The following HTR3B variants were observed in gnomAD, a reference collection of about 807,000 sequenced individuals.
The protein encoded by HTR3B is 5-hydroxytryptamine receptor 3B.
A neutral mutation model predicts 42.8 loss-of-function variants in HTR3B; 44 were observed. The ratio of observed to expected loss-of-function variants is 1.03; its 90% CI spans 0.81 to 1.32. The LOEUF (loss-of-function observed/expected upper bound fraction) is 1.32, where lower values mean the gene tolerates loss of function less well. Among genes scored for constraint, HTR3B ranks in the 40% most tolerant of loss-of-function variants. The probability of loss-of-function intolerance (pLI) is 0.00; values close to 1 mark genes in which losing one functional copy is unlikely to be tolerated. For missense variants in HTR3B, 527 were observed against 536.5 expected, an observed-to-expected ratio of 0.98 and a Z score of 0.17; for synonymous variants, 203 against 209.0, an observed-to-expected ratio of 0.97 and a Z score of 0.25.
intron 8 of HTR3B, among the ~76,000 whole-genome samples, chr11:113,945,012 G>A (rs921912554): frequency 7.2e-5 from 11 of 151,922 alleles, no homozygotes; most frequent in South Asian, 2.1e-4. Flanking sequence ...GCCATGTTGC[G>A]CAGGCTGGTC....
upstream of HTR3B, among the ~76,000 whole-genome samples, chr11:113,902,592 C>A (rs541864940): frequency 6.6e-6 from 1 of 152,128 alleles, no homozygotes; most frequent in Non-Finnish European, 1.5e-5. Flanking sequence ...CCACTGTGTG[C>A]GATCTTCCCT....
chr11:113,915,253 G>C (rs1278214744), intron 2 of HTR3B, among the ~76,000 whole-genome samples: 1 of 152,096 alleles, frequency 6.6e-6, no homozygotes, highest in South Asian at 2.1e-4. Context: ...ACTTAGGCTG[G>C]AGTGCAGTGG....
intron 2 of HTR3B, among the ~76,000 whole-genome samples, chr11:113,921,725 C>T (rs148782367): frequency 1.2e-4 from 18 of 151,874 alleles, no homozygotes; most frequent in Non-Finnish European, 2.6e-4. Flanking sequence ...ACAAGTGTAT[C>T]GAATTGAAAA....
chr11:113,932,485 G>T (rs185983107), intron 5 of HTR3B, 27 bp downstream of exon 5: 143 of 1,578,296 alleles, frequency 9.1e-5, no homozygotes, highest in Non-Finnish European at 1.1e-4. Context: ...ACCCATTAAT[G>T]CTAGGTTGGT....
chr11:113,947,258 C>T lies in HTR3B; in HGVS notation c.*1121C>T, dbSNP rs996302923. On this transcript the variant is annotated 3_prime_UTR_variant, in exon 9 of 9. Transcript: ENST00000260191. ...AGCTGGAACTACAGGTGCATGCCACCACACCCAGCTAATTTTCTGTATTTT... is the reference window on the plus strand; with the variant it reads ...AGCTGGAACTACAGGTGCATGCCACTACACCCAGCTAATTTTCTGTATTTT... 2.2e-4 allele frequency among the ~76,000 whole-genome samples: 33 copies of T among 152,232 alleles called. No homozygotes were observed. The highest frequency in any genetic ancestry group is 4.0e-4 in the Non-Finnish European group (27 of 68,022).
At chr11:113,919,813 A>G (rs898746249) in intron 2 of HTR3B, among the ~76,000 whole-genome samples, 7 of 151,050 alleles carry the variant, frequency 4.6e-5, no homozygotes, top group African/African-American at 1.7e-4. Context: ...GGGCAACAAG[A>G]GCAAAACTCC....
In HTR3B at chr11:113,948,010, A is replaced by G. The variant is rs1950192484; in HGVS notation, c.*1873A>G. On this transcript the variant is annotated 3_prime_UTR_variant, in exon 9 of 9. Coordinates refer to ENST00000260191, the MANE Select transcript of HTR3B (RefSeq NM_006028.5). ...ATCCCCCCAAAGAAAAAGAATTTAA[A>G]TTCAAACAGCCTTTACCTGCATCTT... Among the ~76,000 whole-genome samples, 1 of 152,010 alleles carries G rather than the reference A, an allele frequency of 6.6e-6. No homozygotes were observed. The highest frequency in any genetic ancestry group is 1.5e-5 in the Non-Finnish European group (1 of 68,000).
chr11:113,944,817 G>T lies in HTR3B; in HGVS notation c.1090+62G>T, dbSNP rs182796293. The T allele has an allele frequency of 1.2e-5, 18 of 1,515,664 alleles. No homozygotes were observed. The East Asian group carries it at 3.9e-4, about 32-fold the overall frequency. The allele number at this position is 1,515,664 out of a possible 1,614,324, so 93.9% of individuals were successfully genotyped here. On this transcript the variant is annotated intron_variant, in intron 8 of 8. Coordinates refer to ENST00000260191, the MANE Select transcript of HTR3B (RefSeq NM_006028.5). Reference sequence around the variant, plus strand: ...TTGATCACCTTAAAAATTCATTCCCGTTGATGATGTACTAGGTATTGCGTT... The same window carrying T: ...TTGATCACCTTAAAAATTCATTCCCTTTGATGATGTACTAGGTATTGCGTT...
chr11:113,905,611 T>G (rs535023945), intron 1 of HTR3B, among the ~76,000 whole-genome samples: 34 of 152,354 alleles, frequency 2.2e-4, no homozygotes, highest in Middle Eastern at 3.4e-3. Context: ...TAGAACTATA[T>G]TTCCATGGCA....
chr11:113,900,730 T>A (rs889658907), upstream of HTR3B, among the ~76,000 whole-genome samples: 145 of 152,190 alleles, frequency 9.5e-4, no homozygotes, highest in African/African-American at 3.3e-3. Context: ...TGACCTCAGG[T>A]GATCCACGAG....
chr11:113,903,152 T>G (rs781185456), upstream of HTR3B, among the ~76,000 whole-genome samples: 7 of 152,166 alleles, frequency 4.6e-5, no homozygotes, highest in African/African-American at 7.2e-5. Flanking sequence ...ATTACAGGTA[T>G]GAGCCATTGC....
At chr11:113,934,682 T>C (rs1950073552) in intron 6 of HTR3B, among the ~76,000 whole-genome samples, 1 of 151,640 alleles carries the variant, frequency 6.6e-6, no homozygotes, top group African/African-American at 2.4e-5. Flanking sequence ...AGAATCCTGC[T>C]TGGTTTTAAG....
intron 2 of HTR3B, among the ~76,000 whole-genome samples, chr11:113,918,211 A>G (rs1214213208): frequency 6.6e-6 from 1 of 151,876 alleles, no homozygotes; most frequent in Non-Finnish European, 1.5e-5. Context: ...AATACTAGAA[A>G]ATGAACACTG....
intron 7 of HTR3B, among the ~76,000 whole-genome samples, chr11:113,944,062 C>T (rs1950157724): frequency 6.7e-6 from 1 of 149,294 alleles, no homozygotes; most frequent in Non-Finnish European, 1.5e-5. Context: ...GCTGTGTCTC[C>T]AGGCTGGAGT....
At chr11:113,925,015 A>T (rs568207777) in intron 2 of HTR3B, among the ~76,000 whole-genome samples, 11 of 152,336 alleles carry the variant, frequency 7.2e-5, no homozygotes, top group Admixed American at 2.0e-4. Context: ...GGGGAAATTT[A>T]AAAAAGTTTC....
intron 6 of HTR3B, among the ~76,000 whole-genome samples, chr11:113,937,863 A>G (rs1187566904): frequency 6.6e-6 from 1 of 152,210 alleles, no homozygotes; most frequent in Non-Finnish European, 1.5e-5. Context: ...GGCTCAAAAC[A>G]ACAGAAATTC....
At chr11:113,901,679 T>C (rs530165820), upstream of HTR3B, among the ~76,000 whole-genome samples, 34 of 152,196 alleles carry the variant, frequency 2.2e-4, no homozygotes, top group Admixed American at 7.2e-4. Context: ...TACTAGACTG[T>C]TGTTAAGTTA....
chr11:113,923,985 A>G (rs1455394371), intron 2 of HTR3B, among the ~76,000 whole-genome samples: 1 of 151,860 alleles, frequency 6.6e-6, no homozygotes, highest in African/African-American at 2.4e-5. Flanking sequence ...CTAAGGCATC[A>G]ATATGGCAGT....
At chr11:113,937,144 G>A (rs1357760305) in intron 6 of HTR3B, among the ~76,000 whole-genome samples, 1 of 152,196 alleles carries the variant, frequency 6.6e-6, no homozygotes, top group East Asian at 1.9e-4. Flanking sequence ...ATGATGAGCT[G>A]TAGGTAGGGG....
Sources: gnomAD v4.1 joint callset for allele counts (sites outside exome capture counted in the v4.1 genomes callset) on GRCh38, gnomAD v4.1.1 for gene constraint, MANE v1.5 for transcripts, NCBI Gene and HGNC (gene_info 2026-07-23, HGNC 2026-07-21) for gene names.